ASIC2: variants seen among roughly 807,000 people sequenced by gnomAD.
The protein encoded by ASIC2 is acid sensing ion channel subunit 2.
ASIC2 carries 25 observed loss-of-function variants against 57.3 expected under a neutral mutation model. That is an observed-to-expected ratio of 0.44 (90% CI 0.32 to 0.61). The LOEUF is 0.61. ASIC2 is among the 20% of genes least tolerant of loss of function. The pLI, the probability that ASIC2 is intolerant of heterozygous loss-of-function variation, is 0.06. For missense variants in ASIC2, 641 were observed against 738.1 expected (o/e 0.87, Z 1.52); for synonymous variants, 319 against 307.5 (o/e 1.04, Z -0.39).
chr17:33,418,022 GTATGTA>G (rs796714171), intron 1 of ASIC2, among the ~76,000 whole-genome samples: 108 of 48,440 alleles, frequency 2.2e-3, no homozygotes, highest in Middle Eastern at 0.014. Context: ...CTCTCAGCAT[GTATGTA>G]TGTGTGTGTG....
chr17:33,405,247 A>C (rs1397277459), intron 1 of ASIC2, among the ~76,000 whole-genome samples: 1 of 152,156 alleles, frequency 6.6e-6, no homozygotes, highest in East Asian at 1.9e-4. Flanking sequence ...AATCATTGCA[A>C]ATAGAATTGC....
chr17:33,832,490 T>C (rs1913145665), intron 1 of ASIC2, among the ~76,000 whole-genome samples: 1 of 152,130 alleles, frequency 6.6e-6, no homozygotes, highest in Non-Finnish European at 1.5e-5. Flanking sequence ...GTTCAGGACG[T>C]TGGAGAGATA....
chr17:33,332,343 A>T (rs1302975923), intron 1 of ASIC2, among the ~76,000 whole-genome samples: 1 of 152,256 alleles, frequency 6.6e-6, no homozygotes, highest in Non-Finnish European at 1.5e-5. Context: ...AACATGTTTT[A>T]TCTAACCCAA....
At chr17:34,010,833 ACCAATAAAACACT>A (rs1353640758) in intron 1 of ASIC2, among the ~76,000 whole-genome samples, 6 of 151,772 alleles carry the variant, frequency 4.0e-5, no homozygotes, top group African/African-American at 7.3e-5. Context: ...TAAACAACTT[ACCAATAAAACACT>A]CCAGGCTCCT....
intron 1 of ASIC2, among the ~76,000 whole-genome samples, chr17:33,208,410 C>T (rs901773840): frequency 5.3e-5 from 8 of 152,152 alleles, no homozygotes; most frequent in South Asian, 4.1e-4. Flanking sequence ...GACTCGGTGC[C>T]GCAGTCCTAC....
At chr17:33,785,831 G>C (rs1911585477) in intron 1 of ASIC2, among the ~76,000 whole-genome samples, 1 of 152,164 alleles carries the variant, frequency 6.6e-6, no homozygotes, top group African/African-American at 2.4e-5. Flanking sequence ...AGACCTTCAG[G>C]AAGATGGCAA....
chr17:33,263,091 A>T (rs1353216586), intron 1 of ASIC2, among the ~76,000 whole-genome samples: 1 of 152,204 alleles, frequency 6.6e-6, no homozygotes, highest in African/African-American at 2.4e-5. Flanking sequence ...CCCTGAGGGA[A>T]GGGCATCTGT....
chr17:33,237,842 G>A (rs1013723363), intron 1 of ASIC2, among the ~76,000 whole-genome samples: 1 of 152,136 alleles, frequency 6.6e-6, no homozygotes, highest in Non-Finnish European at 1.5e-5. Flanking sequence ...GTAAGTCCAC[G>A]CCTTCTGGGA....
At chr17:33,039,524 T>C (rs956236824) in intron 3 of ASIC2, among the ~76,000 whole-genome samples, 1 of 152,236 alleles carries the variant, frequency 6.6e-6, no homozygotes, top group African/African-American at 2.4e-5. Flanking sequence ...CCTTTCCTTC[T>C]GCATGAGATC....
rs1324647511 is a variant in ASIC2, at chr17:34,156,406, C to G, written c.127G>C (p.Val43Leu). The G allele has an allele frequency of 1.2e-6, 2 of 1,614,204 alleles. No individual in the cohort carries two copies. The highest frequency in any genetic ancestry group is 3.3e-5 in the Admixed American group (2 of 60,030). ...CCCACGAAGGCCACTGCCCACAGCA[C>G]ACGCCGGATGGTCAGCGGCCCATAC... Residue 43 changes from valine to leucine, a missense_variant, in exon 1 of 10, where the codon GTG becomes CTG. Coordinates refer to the ASIC2 transcript ENST00000359872. The surrounding 1 kb of genome is among the most constrained non-coding windows in gnomAD (Gnocchi z 4.4).
rs796258063 is a variant in ASIC2 at position 33,834,590 on chromosome 17, G to A, written c.555+321388C>T. The A allele has an allele frequency of 4.6e-5, 7 of 152,328 alleles. 1 individual carries two copies. Among genetic ancestry groups the A allele is most frequent in the African/African-American group, 1.4e-4 (6 of 41,564 alleles). The allele number at this position is 152,328 out of a possible 1,614,324, so 9.4% of individuals were successfully genotyped here. On this transcript the variant is annotated intron_variant, in intron 1 of 9. Coordinates refer to the ASIC2 transcript ENST00000359872. ...TTCCTGTGGGGACATAACAAATACAGCCAGGTTTAACATGGAAGAAGGGAA... is the reference window on the plus strand; with the variant it reads ...TTCCTGTGGGGACATAACAAATACAACCAGGTTTAACATGGAAGAAGGGAA...
intron 1 of ASIC2, among the ~76,000 whole-genome samples, chr17:33,745,144 C>T (rs565642201): frequency 1.3e-5 from 2 of 152,318 alleles, no homozygotes; most frequent in South Asian, 4.1e-4. Flanking sequence ...ACTTGAGCCA[C>T]AACTTGCTCC....
At chr17:33,648,227 T>G (rs1288439631) in intron 1 of ASIC2, among the ~76,000 whole-genome samples, 6 of 152,170 alleles carry the variant, frequency 3.9e-5, no homozygotes, top group African/African-American at 1.4e-4. Context: ...CTAAATGCAC[T>G]GTGGCTTGCT....
chr17:34,139,126 A>G (rs1912202601), intron 1 of ASIC2, among the ~76,000 whole-genome samples: 2 of 152,214 alleles, frequency 1.3e-5, no homozygotes, highest in Admixed American at 1.3e-4. Context: ...TCATCTGACA[A>G]ATGATGGGAG....
intron 1 of ASIC2, among the ~76,000 whole-genome samples, chr17:33,655,700 T>C (rs550539041): frequency 3.9e-5 from 6 of 152,232 alleles, no homozygotes; most frequent in Non-Finnish European, 8.8e-5. Context: ...ATTTTGGGAA[T>C]GATTACTGCT....
chr17:33,950,814 A>T (rs537241035), intron 1 of ASIC2, among the ~76,000 whole-genome samples: 16 of 152,316 alleles, frequency 1.1e-4, no homozygotes, highest in African/African-American at 3.1e-4. Context: ...CCAGCCTTTT[A>T]AGCACCATCC....
chr17:33,461,646 GC>G lies in ASIC2; in HGVS notation c.556-349580del, dbSNP rs200349803. ...TAAGAGGGTCCTGACTGATACCTAA[GC>G]TTTCCAAATGCTACCACTCTAGAAT... On this transcript the variant is annotated intron_variant, in intron 1 of 9. Coordinates refer to the ASIC2 transcript ENST00000359872. 2.1e-3 allele frequency among the ~76,000 whole-genome samples: 317 copies of G among 152,224 alleles called. 1 individual carries two copies. The highest frequency in any genetic ancestry group is 7.3e-3 in the African/African-American group (303 of 41,514).
chr17:33,135,146 A>G (rs527981056), intron 1 of ASIC2, among the ~76,000 whole-genome samples: 1 of 152,252 alleles, frequency 6.6e-6, no homozygotes, highest in Admixed American at 6.5e-5. Flanking sequence ...CATTCCGCTT[A>G]GCCCTGCTGC....
chr17:33,215,511 G>A (rs975843349), intron 1 of ASIC2, among the ~76,000 whole-genome samples: 10 of 151,942 alleles, frequency 6.6e-5, no homozygotes, highest in Admixed American at 1.3e-4. Context: ...TGTTATAAAG[G>A]AAAAAAGTGG....
Sources: allele counts gnomAD v4.1 joint callset (sites outside exome capture counted in the v4.1 genomes callset), GRCh38; gene constraint gnomAD v4.1.1; non-coding constraint Gnocchi (gnomAD v3.1); transcripts MANE v1.5; gene names NCBI Gene and HGNC (gene_info 2026-07-23, HGNC 2026-07-21).